Variants in FLT3LG observed in about 807,000 individuals in gnomAD.
The protein encoded by FLT3LG is fms related receptor tyrosine kinase 3 ligand, also known as fms-related tyrosine kinase 3 ligand.
FLT3LG carries 8 observed loss-of-function variants against 30.9 expected under a neutral mutation model. The ratio of observed to expected loss-of-function variants is 0.26; its 90% CI spans 0.15 to 0.47. The LOEUF (loss-of-function observed/expected upper bound fraction) is 0.47, where lower values mean the gene tolerates loss of function less well. Ranked by LOEUF, FLT3LG falls within the 20% of genes least tolerant of loss-of-function variation. The probability of loss-of-function intolerance (pLI) is 0.99; values close to 1 mark genes in which losing one functional copy is unlikely to be tolerated. For missense variants in FLT3LG, 278 were observed against 306.2 expected (o/e 0.91, Z 0.69); for synonymous variants, 123 against 135.9 (o/e 0.91, Z 0.66).
At chr19:49,477,009 T>C (rs958580433) in intron 5 of FLT3LG, among the ~76,000 whole-genome samples, 1 of 151,914 alleles carries the variant, frequency 6.6e-6, no homozygotes, top group African/African-American at 2.4e-5. Context: ...TAGCCGGGCA[T>C]GGTGGCTCAG....
rs5828400 is a variant in FLT3LG at position 49,479,194 on chromosome 19, A to ATTTT, written c.481+162_481+165dup. ...CCTCTTTCTGGAGCTCAGTTTACCAATTTTTTTTTTTTTTTTTTGAGACGG... is the reference window on the plus strand; with the variant it reads ...CCTCTTTCTGGAGCTCAGTTTACCAATTTTTTTTTTTTTTTTTTTTTTGAGACGG... On this transcript the variant is annotated intron_variant, in intron 6 of 8. Transcript: ENST00000597551. 6.1e-4 allele frequency: 292 copies of ATTTT among 475,222 alleles called. 1 individual carries two copies. The highest frequency in any genetic ancestry group is 1.0e-3 in the Middle Eastern group (2 of 2,006). 29.4% of individuals were successfully genotyped at this position (475,222 alleles called of 1,614,324 possible). A position where few individuals can be genotyped will look rare whatever the true frequency, so the allele number is the denominator to read the frequency against.
chr19:49,475,925 A>T (rs1262597381), intron 3 of FLT3LG, 124 bp downstream of exon 3: 23 of 1,047,896 alleles, frequency 2.2e-5, no homozygotes, highest in Non-Finnish European at 3.3e-5. Flanking sequence ...GGCTCAAGCG[A>T]TCCTCCCACC....
intron 8 of FLT3LG, among the ~76,000 whole-genome samples, chr19:49,483,114 T>C (rs185852207): frequency 1.3e-5 from 2 of 152,138 alleles, no homozygotes; most frequent in African/African-American, 2.4e-5. Flanking sequence ...ATCCAACGTA[T>C]AGTTTATTTA....
chr19:49,475,723 G>C lies in FLT3LG; in HGVS notation c.66G>C (p.Ser22=), dbSNP rs375156546. 6.2e-7 allele frequency: 1 copy of C among 1,610,566 alleles called. No homozygotes were observed. Among genetic ancestry groups the C allele is most frequent in the Non-Finnish European group, 8.5e-7 (1 of 1,179,880 alleles). The part of the protein sequence containing the change: ...TYLLLLLLLS[S]GLSGTQDCSF... ...TCCTCCTGCTGCTGCTGCTGAGCTC[G>C]GGACTCAGTGGGACCCAGGACTGCT... The change falls in exon 3 of 9, where the codon TCG becomes TCC. Residue 22 remains serine (S), a synonymous_variant. Transcript: ENST00000597551.
At chr19:49,479,315 C>T (rs1030634884) in intron 6 of FLT3LG, among the ~76,000 whole-genome samples, 1 of 151,472 alleles carries the variant, frequency 6.6e-6, no homozygotes, top group Non-Finnish European at 1.5e-5. Context: ...CTGCCTCAGC[C>T]TCCCAAGTAG....
Position 49,480,381 on chromosome 19 carries a change from C to T in FLT3LG, c.565C>T (p.Leu189=), listed in dbSNP as rs1262932425. Residue 189 remains leucine, a synonymous_variant, in exon 7 of 9, where the codon CTA becomes TTA. Coordinates refer to ENST00000597551, the MANE Select transcript of FLT3LG (RefSeq NM_001459.4). ...AGCCCCGCAGCCCCCTCTGCTCCTCCTACTGCTGCTGCCCGTGGGCCTCCT... is the reference window on the plus strand; with the variant it reads ...AGCCCCGCAGCCCCCTCTGCTCCTCTTACTGCTGCTGCCCGTGGGCCTCCT... The part of the protein sequence containing the change: ...PTAPQPPLLL[L]LLLPVGLLLL... 6.2e-7 allele frequency: 1 copy of T among 1,610,584 alleles called. No homozygotes were observed. The highest frequency in any genetic ancestry group is 1.7e-5 in the Admixed American group (1 of 59,868).
intron 8 of FLT3LG, chr19:49,482,059 T>G (rs1464763880): frequency 1.3e-5 from 2 of 151,926 alleles, no homozygotes; most frequent in South Asian, 4.1e-4. Flanking sequence ...TCCCAAGGCA[T>G]AGAGAGGTAA....
rs753220079 is a variant in FLT3LG at position 49,480,590 on chromosome 19, GGAGCAC to G, written c.700_705del (p.Glu234_His235del). ...CCAGTCCCCAGGACCTGCTGCTTGT[GGAGCAC>G]TGACCTGGCCAAGGCCTCATCCTGG... On this transcript the variant is annotated inframe_deletion, in exon 8 of 9. Transcript: ENST00000597551. The G allele has an allele frequency of 1.9e-6, 3 of 1,613,042 alleles. No homozygotes were observed. Among genetic ancestry groups the G allele is most frequent in the Non-Finnish European group, 2.5e-6 (3 of 1,179,624 alleles).
intron 8 of FLT3LG, among the ~76,000 whole-genome samples, chr19:49,482,843 G>A (rs549469576): frequency 6.6e-6 from 1 of 151,918 alleles, no homozygotes; most frequent in South Asian, 2.1e-4. Context: ...TGGTCAGGCT[G>A]GTCTCGAACT....
At chr19:49,483,275 A>C (rs2079678072) in intron 8 of FLT3LG, among the ~76,000 whole-genome samples, 1 of 151,062 alleles carries the variant, frequency 6.6e-6, no homozygotes, top group East Asian at 2.0e-4. Context: ...ACGCCACCAC[A>C]CCCAGCTAAT....
Position 49,475,757 on chromosome 19 carries a change from C to T in FLT3LG, c.100C>T (p.His34Tyr). 1 of 1,612,634 alleles carries T rather than the reference C, an allele frequency of 6.2e-7. No homozygotes were observed. The highest frequency in any genetic ancestry group is 2.2e-5 in the East Asian group (1 of 44,870). Residue 34 changes from histidine to tyrosine, a missense_variant, in exon 3 of 9, where the codon CAC (histidine) becomes TAC (tyrosine). His to Tyr is a moderately conservative substitution (Grantham distance 83). Around this residue, in one of 3 missense-constraint regions of FLT3LG, gnomAD observed 68 missense variants for 110.0 expected, o/e 0.62. Transcript: ENST00000597551. Reference protein sequence around the residue: ...LSGTQDCSFQHSPISSDFAVK... With the variant: ...LSGTQDCSFQYSPISSDFAVK... ...TGGGACCCAGGACTGCTCCTTCCAA[C>T]ACAGCCCCATCTCCTCCGACTTCGC...
chr19:49,476,233 G>T lies in FLT3LG; in HGVS notation c.198+35G>T. Reference sequence around the variant, plus strand: ...GTTGGGAGGGACCTGGGATGGAGGTGGGGACCACAGACTCAAGATGCTCCA... The same window carrying T: ...GTTGGGAGGGACCTGGGATGGAGGTTGGGACCACAGACTCAAGATGCTCCA... On this transcript the variant is annotated intron_variant, in intron 4 of 8. Coordinates refer to ENST00000597551, the MANE Select transcript of FLT3LG (RefSeq NM_001459.4). The surrounding 1 kb of genome is among the most constrained non-coding windows in gnomAD (Gnocchi z 5.3). The T allele has an allele frequency of 6.4e-7, 1 of 1,565,864 alleles. No individual in the cohort carries two copies.
chr19:49,478,864 G>GT, intron 5 of FLT3LG, 45 bp from the exon 6 acceptor site: 1 of 1,464,710 alleles, frequency 6.8e-7, no homozygotes, highest in Non-Finnish European at 9.1e-7. Context: ...CGGAGGGGCG[G>GT]TGGGGGGATG....
In FLT3LG at chr19:49,479,042, A is replaced by C; in HGVS notation, c.476A>C (p.Gln159Pro). The stretch of plus-strand genomic sequence containing the variant: ...TCCCGGTGCCTGGAGCTGCAGTGTC[A>C]GCCCGGTAAAGGCTTCCAGGCACCC... Reference protein sequence around the residue: ...NFSRCLELQCQPDSSTLPPPW... With the variant: ...NFSRCLELQCPPDSSTLPPPW... The change falls in exon 6 of 9, where the codon CAG becomes CCG. Residue 159 changes from glutamine (Q) to proline (P), a missense_variant. Gln to Pro is a moderately conservative substitution (Grantham distance 76, BLOSUM62 -1). Around this residue, in one of 3 missense-constraint regions of FLT3LG, gnomAD observed 170 missense variants for 162.0 expected, o/e 1.05. Coordinates refer to ENST00000597551, the MANE Select transcript of FLT3LG (RefSeq NM_001459.4). 1 of 1,606,916 alleles carries C rather than the reference A, an allele frequency of 6.2e-7. No homozygotes were observed. Among genetic ancestry groups the C allele is most frequent in the Non-Finnish European group, 8.5e-7 (1 of 1,176,732 alleles).
rs921915120 is a variant in FLT3LG, at chr19:49,474,236, C to T, written c.-83C>T. On this transcript the variant is annotated 5_prime_UTR_variant, in exon 1 of 9. Coordinates refer to ENST00000597551, the MANE Select transcript of FLT3LG (RefSeq NM_001459.4). ...ATTTCCTTTCACTTTCGGTCTCTGG[C>T]TGTCACCCGGCTTGGCCCCTTCCAC... is the stretch of plus-strand genomic sequence containing the variant. 1.2e-4 allele frequency: 29 copies of T among 245,788 alleles called. No individual in the cohort carries two copies. The highest frequency in any genetic ancestry group is 5.6e-4 in the African/African-American group (25 of 44,694). 15.2% of individuals were successfully genotyped at this position (245,788 alleles called of 1,614,324 possible).
At chr19:49,477,160 G>A (rs991151969) in intron 5 of FLT3LG, among the ~76,000 whole-genome samples, 1 of 152,020 alleles carries the variant, frequency 6.6e-6, no homozygotes. Context: ...CTCTCTGAGG[G>A]CTGGGTGCAG....
rs750254491 is a variant in FLT3LG, at chr19:49,478,915, C to A, written c.349C>A (p.Pro117Thr). Reference sequence around the variant, plus strand: ...CTCCCTCCCCTGCTCCCAGCCCCCCCCCAGCTGTCTTCGCTTCGTCCAGAC... The same window carrying A: ...CTCCCTCCCCTGCTCCCAGCCCCCCACCAGCTGTCTTCGCTTCGTCCAGAC... The part of the protein sequence containing the change: ...FVTKCAFQPP[P>T]SCLRFVQTNI... The change falls in exon 6 of 9, where the codon CCC (proline) becomes ACC (threonine). Residue 117 changes from proline to threonine, a missense_variant. By Grantham distance (38) the Pro-to-Thr change is conservative. This residue lies in a region of FLT3LG where 170 missense variants were observed against 162.0 expected (regional missense o/e 1.05). Coordinates refer to ENST00000597551, the MANE Select transcript of FLT3LG (RefSeq NM_001459.4). The A allele has an allele frequency of 5.9e-6, 9 of 1,537,626 alleles. No homozygotes were observed. The highest frequency in any genetic ancestry group is 1.4e-5 in the African/African-American group (1 of 71,970).
rs2079572603 is a variant in FLT3LG, at chr19:49,480,634, G to A, written c.*21+14G>A. On this transcript the variant is annotated intron_variant, in intron 8 of 8. Transcript: ENST00000597551. The stretch of plus-strand genomic sequence containing the variant: ...GGCCTCATCCTGGTGAGTCCTTCCT[G>A]GGCTATGGGGCCTGGACTTTGTGTC... The A allele has an allele frequency of 6.3e-7, 1 of 1,598,268 alleles. No homozygotes were observed. The highest frequency in any genetic ancestry group is 8.5e-7 in the Non-Finnish European group (1 of 1,172,076).
chr19:49,479,159 C>A, intron 6 of FLT3LG, 112 bp downstream of exon 6: 1 of 958,026 alleles, frequency 1.0e-6, no homozygotes, highest in Non-Finnish European at 1.4e-6. Context: ...GTGACAAGGG[C>A]AAGCTTATTC....
Sources: gnomAD v4.1 joint callset for allele counts (sites outside exome capture counted in the v4.1 genomes callset) on GRCh38, gnomAD v4.1.1 for gene constraint, gnomAD v4.1.1 regional missense constraint, Gnocchi (gnomAD v3.1) non-coding constraint, MANE v1.5 for transcripts, NCBI Gene and HGNC (gene_info 2026-07-23, HGNC 2026-07-21) for gene names.